Variants in NAV3 observed in about 807,000 individuals in gnomAD.
NAV3 encodes the protein pore membrane and/or filament interacting like protein 1.
In NAV3, 87 loss-of-function variants were observed where a neutral mutation model predicts 244.7. The ratio of observed to expected loss-of-function variants is 0.36; its 90% CI spans 0.30 to 0.42. NAV3 has a LOEUF of 0.42. Ranked by LOEUF, NAV3 falls within the 20% of genes least tolerant of loss-of-function variation. The pLI is 1.00. For synonymous variants in NAV3, 1,126 were observed against 1,042.2 expected (o/e 1.08, Z -1.55); for missense variants, 2,663 against 2,893.3 (o/e 0.92, Z 1.83).
intron 2 of NAV3, among the ~76,000 whole-genome samples, chr12:77,754,304 A>C (rs1318669338): frequency 6.6e-6 from 1 of 152,118 alleles, no homozygotes; most frequent in Non-Finnish European, 1.5e-5. Flanking sequence ...GACTAATTGG[A>C]TTACTCACTG....
chr12:78,122,139 G>C lies in NAV3; in HGVS notation c.3949G>C (p.Asp1317His), dbSNP rs2138690116. 1 of 1,614,158 alleles carries C rather than the reference G, an allele frequency of 6.2e-7. No homozygotes were observed. Among genetic ancestry groups the C allele is most frequent in the South Asian group, 1.1e-5 (1 of 91,076 alleles). Reference protein sequence around the residue: ...SSSPLFNKPSDLTTDVISLSH... With the variant: ...SSSPLFNKPSHLTTDVISLSH... ...CAGCCCTCTCTTCAATAAACCCTCA[G>C]ACTTAACTACAGATGTTATAAGCTT... Residue 1317 changes from aspartate (D) to histidine (H), a missense_variant, in exon 16 of 40, where the codon GAC becomes CAC. Asp to His is a moderately conservative substitution (Grantham distance 81, BLOSUM62 -1). Transcript: ENST00000397909.
At position 77,676,160 on chromosome 12, in the gene NAV3, T is replaced by C. The variant is rs1406980779; in HGVS notation, c.72+103894T>C. Among the ~76,000 whole-genome samples, 4 of 151,988 alleles carry C rather than the reference T, an allele frequency of 2.6e-5. No individual in the cohort carries two copies. The East Asian group carries it at 7.8e-4, about 30-fold the overall frequency. ...TTGTTAAATAGGTATACATGTGCCA[T>C]AGTGGTTTGCTGCACTTATCAACCC... On this transcript the variant is annotated intron_variant, in intron 2 of 8. Transcript: ENST00000550042.
intron 1 of NAV3, among the ~76,000 whole-genome samples, chr12:77,936,275 A>G (rs116801455): frequency 1.1e-4 from 17 of 152,192 alleles, no homozygotes; most frequent in Non-Finnish European, 2.4e-4. Flanking sequence ...ATGATTATGC[A>G]TGCAATTGTA....
chr12:77,579,919 T>C (rs1354629440), intron 2 of NAV3, among the ~76,000 whole-genome samples: 1 of 152,204 alleles, frequency 6.6e-6, no homozygotes, highest in African/African-American at 2.4e-5. Flanking sequence ...CTTAAAATGA[T>C]AGTTACAGCA....
intron 1 of NAV3, among the ~76,000 whole-genome samples, chr12:77,855,907 G>A (rs1254527276): frequency 1.3e-5 from 2 of 152,192 alleles, no homozygotes; most frequent in East Asian, 3.8e-4. Flanking sequence ...GAGCTAAAAA[G>A]TCATTGTTGT....
intron 2 of NAV3, among the ~76,000 whole-genome samples, chr12:77,822,625 T>C (rs1872792514): frequency 6.6e-6 from 1 of 152,208 alleles, no homozygotes; most frequent in Non-Finnish European, 1.5e-5. Flanking sequence ...TTATTTTTTA[T>C]TCTTTAAATT....
At chr12:77,611,223 C>T (rs1211854769) in intron 2 of NAV3, among the ~76,000 whole-genome samples, 1 of 151,948 alleles carries the variant, frequency 6.6e-6, no homozygotes, top group Non-Finnish European at 1.5e-5. Context: ...AAATCTCCAT[C>T]CTGACAAGCA....
At chr12:78,139,427 G>A (rs900623709) in intron 19 of NAV3, among the ~76,000 whole-genome samples, 2 of 152,022 alleles carry the variant, frequency 1.3e-5, no homozygotes, top group Non-Finnish European at 2.9e-5. Flanking sequence ...GAGCTTTTGG[G>A]ATTTTATCTT....
chr12:77,741,148 C>CAAAAAAAAAAAAAAAAAAAAGAA, intron 2 of NAV3, among the ~76,000 whole-genome samples: 23 of 68,616 alleles, frequency 3.4e-4, no homozygotes, highest in Non-Finnish European at 4.8e-4. Flanking sequence ...AAAAAAAAGA[C>CAAAAAAAAAAAAAAAAAAAAGAA]AAAAAAAAAA....
chr12:78,064,502 C>G (rs1884769604), intron 12 of NAV3, among the ~76,000 whole-genome samples: 1 of 151,530 alleles, frequency 6.6e-6, no homozygotes, highest in Non-Finnish European at 1.5e-5. Flanking sequence ...GTGTCCCTCT[C>G]TCTTCTTATA....
chr12:78,118,069 T>G lies in NAV3; in HGVS notation c.2812T>G (p.Trp938Gly). Residue 938 changes from tryptophan (W) to glycine (G), a missense_variant, in exon 14 of 40, where the codon TGG becomes GGG. By Grantham distance (184) the Trp-to-Gly change is radical. Around this residue, in one of 6 missense-constraint regions of NAV3, gnomAD observed 1,521 missense variants for 1,497.0 expected, o/e 1.02. Transcript: ENST00000397909. ...SEKRSTTDET[W>G]DSPEELKKPE... ...GAAACGCTCCACCACAGACGAGACCTGGGATAGTCCTGAGGAACTGAAAAA... is the reference window on the plus strand; with the variant it reads ...GAAACGCTCCACCACAGACGAGACCGGGGATAGTCCTGAGGAACTGAAAAA... 1.2e-6 allele frequency: 2 copies of G among 1,613,894 alleles called. No individual in the cohort carries two copies. The highest frequency in any genetic ancestry group is 1.3e-5 in the African/African-American group (1 of 75,020).
At chr12:77,692,535 A>G (rs1875082913) in intron 2 of NAV3, among the ~76,000 whole-genome samples, 1 of 151,984 alleles carries the variant, frequency 6.6e-6, no homozygotes, top group African/African-American at 2.4e-5. Flanking sequence ...GATACAGTAA[A>G]CCTCGCTCTA....
intron 18 of NAV3, among the ~76,000 whole-genome samples, chr12:78,130,154 T>A (rs1195864353): frequency 6.6e-6 from 1 of 152,192 alleles, no homozygotes; most frequent in East Asian, 1.9e-4. Context: ...TTGGGGACTA[T>A]TTTGCCTTAC....
chr12:78,199,010 T>C, intron 36 of NAV3: 2 of 523,366 alleles, frequency 3.8e-6, no homozygotes, highest in Non-Finnish European at 7.2e-6. Context: ...ATATTCCTTC[T>C]AAGTGTGAGA....
chr12:77,867,710 G>A (rs144512706), intron 1 of NAV3, among the ~76,000 whole-genome samples: 3,519 of 152,236 alleles, frequency 0.023, 52 homozygotes, highest in Non-Finnish European at 0.034. Flanking sequence ...GTGAACCACC[G>A]CACCTGGCCT....
intron 8 of NAV3, among the ~76,000 whole-genome samples, chr12:78,021,452 A>G (rs1436095639): frequency 1.3e-5 from 2 of 152,178 alleles, no homozygotes; most frequent in African/African-American, 4.8e-5. Context: ...ATAGCAAAAG[A>G]AGTTGGATCT....
intron 5 of NAV3, among the ~76,000 whole-genome samples, chr12:77,992,408 G>A (rs1050821468): frequency 1.3e-5 from 2 of 152,154 alleles, no homozygotes; most frequent in Non-Finnish European, 2.9e-5. Context: ...ATAATTGAAA[G>A]GGAAATGGAA....
At chr12:78,005,218 G>A (rs1237129053) in intron 7 of NAV3, among the ~76,000 whole-genome samples, 2 of 152,154 alleles carry the variant, frequency 1.3e-5, no homozygotes, top group Admixed American at 6.5e-5. Context: ...GACATTAGGG[G>A]AACCTGAAGA....
chr12:78,161,483 A>G (rs978330051), intron 23 of NAV3, among the ~76,000 whole-genome samples: 1 of 152,112 alleles, frequency 6.6e-6, no homozygotes, highest in African/African-American at 2.4e-5. Flanking sequence ...GAATTTTCTC[A>G]TAGAAACATA....
Sources: allele counts gnomAD v4.1 joint callset (sites outside exome capture counted in the v4.1 genomes callset), GRCh38; gene constraint gnomAD v4.1.1; regional missense constraint gnomAD v4.1.1; transcripts MANE v1.5; gene names NCBI Gene and HGNC (gene_info 2026-07-23, HGNC 2026-07-21).